LEMD1: variants seen among roughly 807,000 people sequenced by gnomAD.
LEMD1 encodes the protein LEM domain-containing protein 1.
In LEMD1, 18 loss-of-function variants were observed where a neutral mutation model predicts 17.4. The ratio of observed to expected loss-of-function variants is 1.04; its 90% confidence interval spans 0.72 to 1.54. LEMD1 has a LOEUF of 1.54. Ranked by LOEUF, LEMD1 falls within the 40% of genes most tolerant of loss-of-function variation. LEMD1 has a pLI of 0.00. For missense variants in LEMD1, 195 were observed against 210.4 expected (o/e 0.93, Z 0.45); for synonymous variants, 88 against 77.8 (o/e 1.13, Z -0.69).
At chr1:205,383,910 A>T (rs988760504) in intron 5 of LEMD1, among the ~76,000 whole-genome samples, 4 of 151,278 alleles carry the variant, frequency 2.6e-5, no homozygotes, top group African/African-American at 9.7e-5. Flanking sequence ...TGCTGGGATT[A>T]CAGGCAAGAG....
intron 1 of LEMD1, among the ~76,000 whole-genome samples, chr1:205,421,531 C>T (rs1009178188): frequency 3.3e-5 from 5 of 152,168 alleles, no homozygotes; most frequent in Admixed American, 6.5e-5. Flanking sequence ...ACACTGTATA[C>T]AAGCTAGAAA....
chr1:205,387,599 G>A (rs1664096164), intron 4 of LEMD1, among the ~76,000 whole-genome samples: 1 of 152,180 alleles, frequency 6.6e-6, no homozygotes, highest in African/African-American at 2.4e-5. Flanking sequence ...GCACCCAGGA[G>A]ACACATAATA....
At position 205,433,824 on chromosome 1, in the gene LEMD1, C is replaced by T. The variant is rs115756718; in HGVS notation, c.-38-13250G>A. Among the ~76,000 whole-genome samples, 333 of 152,178 alleles carry T rather than the reference C, an allele frequency of 2.2e-3. 3 individuals are homozygous for T. The highest frequency in any genetic ancestry group is 7.4e-3 in the African/African-American group (308 of 41,442). Reference sequence around the variant, plus strand: ...GCCCTCTCAGGAGCAGTCAATCCACCGCTCTAAACAACAGCTGCCTGTGTG... The same window carrying T: ...GCCCTCTCAGGAGCAGTCAATCCACTGCTCTAAACAACAGCTGCCTGTGTG... On this transcript the variant is annotated intron_variant, in intron 1 of 3. Transcript: ENST00000367154.
At chr1:205,422,129 A>G (rs958270633), upstream of LEMD1, 6 of 152,190 alleles carry the variant, frequency 3.9e-5, no homozygotes, top group African/African-American at 1.4e-4. Context: ...ACAGTGTGAC[A>G]TCAGTAACCC....
chr1:205,407,222 T>C (rs565228970), intron 4 of LEMD1, among the ~76,000 whole-genome samples: 49 of 149,336 alleles, frequency 3.3e-4, no homozygotes, highest in African/African-American at 1.1e-3. Context: ...CCCAGCTACT[T>C]GGGAGGCTGA....
rs190690869 is a variant in LEMD1 at position 205,448,840 on chromosome 1, C to T, written c.-39+1028G>A. Among the ~76,000 whole-genome samples, 104 of 152,258 alleles carry T rather than the reference C, an allele frequency of 6.8e-4. No individual in the cohort carries two copies. The highest frequency in any genetic ancestry group is 6.8e-3 in the Middle Eastern group (2 of 294). On this transcript the variant is annotated intron_variant, in intron 1 of 3. Coordinates refer to the LEMD1 transcript ENST00000367154. This position sits in a 1 kb window ranked among gnomAD's most constrained non-coding sequence, Gnocchi z 4.7. ...AGCTTAACTCTTTCTAGTCCAGCCA[C>T]TGGAAGCACAGAGGGCAAAGGAGGG...
At chr1:205,444,426 G>C (rs1000095534) in intron 1 of LEMD1, among the ~76,000 whole-genome samples, 2 of 152,014 alleles carry the variant, frequency 1.3e-5, no homozygotes, top group South Asian at 4.2e-4. Flanking sequence ...AATCCATAGA[G>C]CATCCGTCCT....
chr1:205,395,470 T>C (rs1161088171), intron 4 of LEMD1, among the ~76,000 whole-genome samples: 2 of 151,918 alleles, frequency 1.3e-5, no homozygotes, highest in Non-Finnish European at 2.9e-5. Context: ...GGTGCATGCC[T>C]GTAATCCCAG....
intron 4 of LEMD1, among the ~76,000 whole-genome samples, chr1:205,388,548 A>C (rs1177656041): frequency 6.6e-6 from 1 of 152,162 alleles, no homozygotes; most frequent in African/African-American, 2.4e-5. Flanking sequence ...CGTTTTACAG[A>C]GGAGGAAGTA....
intron 1 of LEMD1, chr1:205,440,942 GCTCT>G (rs998776352): frequency 2.0e-5 from 3 of 152,386 alleles, no homozygotes; most frequent in African/African-American, 7.2e-5. Flanking sequence ...GCCGTCTCCC[GCTCT>G]CTGTGAACTT....
At chr1:205,409,490 A>T (rs1665284302) in intron 4 of LEMD1, among the ~76,000 whole-genome samples, 1 of 152,218 alleles carries the variant, frequency 6.6e-6, no homozygotes, top group African/African-American at 2.4e-5. Context: ...TGTGAGGTTG[A>T]TACTGTTCTT....
chr1:205,431,292 A>T (rs112853697), intron 1 of LEMD1, among the ~76,000 whole-genome samples: 86 of 152,350 alleles, frequency 5.6e-4, no homozygotes, highest in African/African-American at 1.9e-3. Flanking sequence ...TGCTAGATGC[A>T]GTGCAACATG....
chr1:205,389,722 T>G (rs1664238659), intron 4 of LEMD1, among the ~76,000 whole-genome samples: 1 of 152,240 alleles, frequency 6.6e-6, no homozygotes, highest in Non-Finnish European at 1.5e-5. Context: ...AATTGGACAC[T>G]TTTACAAATG....
rs548755773 is a variant in LEMD1 at position 205,440,169 on chromosome 1, T to C, written c.-39+9699A>G. On this transcript the variant is annotated intron_variant, in intron 1 of 3. Coordinates refer to the LEMD1 transcript ENST00000367154. The stretch of plus-strand genomic sequence containing the variant: ...AGTCTGGCCACGGCAAGACAGTCCC[T>C]GAGGAGGGGAGTCAGGGCCTGGGGA... 5.3e-5 allele frequency among the ~76,000 whole-genome samples: 8 copies of C among 152,212 alleles called. No individual in the cohort carries two copies. The South Asian group carries it at 6.2e-4, about 12-fold the overall frequency.
At chr1:205,424,868 T>G (rs1666035005), upstream of LEMD1, among the ~76,000 whole-genome samples, 1 of 152,196 alleles carries the variant, frequency 6.6e-6, no homozygotes, top group Admixed American at 6.5e-5. Context: ...ACACCTAGTT[T>G]GATATCGAGT....
intron 1 of LEMD1, among the ~76,000 whole-genome samples, chr1:205,427,345 G>T (rs529314386): frequency 6.6e-6 from 1 of 151,728 alleles, no homozygotes; most frequent in Non-Finnish European, 1.5e-5. Flanking sequence ...GCTGATGAGG[G>T]GACATCACTC....
intron 1 of LEMD1, among the ~76,000 whole-genome samples, chr1:205,447,834 C>T (rs1215681851): frequency 6.6e-6 from 1 of 152,154 alleles, no homozygotes; most frequent in African/African-American, 2.4e-5. Flanking sequence ...CCCATTTCAG[C>T]CTCAGAAAGA....
chr1:205,429,251 C>A (rs930347058), intron 1 of LEMD1, among the ~76,000 whole-genome samples: 1 of 152,198 alleles, frequency 6.6e-6, no homozygotes. Flanking sequence ...GATGCTGCAA[C>A]TATTTTAACA....
At chr1:205,425,695 T>TTC (rs1240229817), upstream of LEMD1, among the ~76,000 whole-genome samples, 1 of 151,984 alleles carries the variant, frequency 6.6e-6, no homozygotes, top group Non-Finnish European at 1.5e-5. Context: ...GCAGTGAAGG[T>TTC]TCTGGCAGAA....
Sources: gnomAD v4.1 joint callset for allele counts (sites outside exome capture counted in the v4.1 genomes callset) on GRCh38, gnomAD v4.1.1 for gene constraint, Gnocchi (gnomAD v3.1) non-coding constraint, MANE v1.5 for transcripts, NCBI Gene and HGNC (gene_info 2026-07-23, HGNC 2026-07-21) for gene names.